HDAC9: variants seen among roughly 807,000 people sequenced by gnomAD.
HDAC9 encodes the protein histone deacetylase 9, also known as MEF-2 interacting transcription repressor (MITR) protein.
In HDAC9, 41 loss-of-function variants were observed where a neutral mutation model predicts 139.4. That is an observed-to-expected ratio of 0.29 (90% CI 0.23 to 0.38). The LOEUF is 0.38. HDAC9 is among the 10% of genes least tolerant of loss of function. The pLI is 1.00. For missense variants in HDAC9, 1,147 were observed against 1,297.0 expected (o/e 0.88, Z 1.78); for synonymous variants, 517 against 476.2 (o/e 1.09, Z -1.12).
At chr7:18,717,702 GC>G (rs1205537695) in intron 12 of HDAC9, among the ~76,000 whole-genome samples, 1 of 151,440 alleles carries the variant, frequency 6.6e-6, no homozygotes, top group Non-Finnish European at 1.5e-5. Context: ...AAGTGCTGGG[GC>G]AATTTCTTAA....
intron 22 of HDAC9, among the ~76,000 whole-genome samples, chr7:18,902,704 T>C (rs556151866): frequency 2.3e-4 from 35 of 152,336 alleles, no homozygotes; most frequent in Middle Eastern, 3.4e-3. Flanking sequence ...TTGGATTTCC[T>C]AAAATATAAT....
upstream of HDAC9, among the ~76,000 whole-genome samples, chr7:18,492,852 T>G (rs1465404792): frequency 6.6e-6 from 1 of 151,980 alleles, no homozygotes; most frequent in Non-Finnish European, 1.5e-5. Flanking sequence ...ATGGTTGTTT[T>G]GATGATACTT....
intron 1 of HDAC9, among the ~76,000 whole-genome samples, chr7:18,130,625 C>A (rs563115453): frequency 9.3e-4 from 141 of 152,244 alleles, no homozygotes; most frequent in African/African-American, 3.2e-3. Flanking sequence ...AGAACAACTT[C>A]ATCGCTATTC....
intron 1 of HDAC9, among the ~76,000 whole-genome samples, chr7:18,467,010 C>T (rs1794336168): frequency 6.6e-6 from 1 of 152,088 alleles, no homozygotes; most frequent in Non-Finnish European, 1.5e-5. Flanking sequence ...TTTCAAAGAG[C>T]TTCAATTACT....
intron 16 of HDAC9, among the ~76,000 whole-genome samples, chr7:18,772,782 A>G (rs988923042): frequency 9.2e-5 from 14 of 152,232 alleles, no homozygotes; most frequent in South Asian, 8.3e-4. Context: ...CTGATAAGCC[A>G]CCTTAATGAA....
chr7:18,208,534 C>T (rs546740850), intron 2 of HDAC9, among the ~76,000 whole-genome samples: 147 of 152,152 alleles, frequency 9.7e-4, no homozygotes, highest in African/African-American at 3.3e-3. Flanking sequence ...CACCACCACA[C>T]CTGACTAATT....
intron 2 of HDAC9, among the ~76,000 whole-genome samples, chr7:18,197,430 T>C (rs966376710): frequency 2.0e-5 from 3 of 152,208 alleles, no homozygotes; most frequent in Non-Finnish European, 4.4e-5. Context: ...TCTGAAGTGA[T>C]ATTGGAGATT....
At position 18,378,739 on chromosome 7, in the gene HDAC9, A is replaced by G. The variant is rs560381281; in HGVS notation, c.-42+88224A>G. On this transcript the variant is annotated intron_variant, in intron 1 of 3. Coordinates refer to the HDAC9 transcript ENST00000413509. ...GTTTTGGAGTAAACATACGCATTTTATAAATGCATAGCCCATACCAAAACA... is the reference window on the plus strand; with the variant it reads ...GTTTTGGAGTAAACATACGCATTTTGTAAATGCATAGCCCATACCAAAACA... Among the ~76,000 whole-genome samples the G allele has an allele frequency of 2.6e-5, 4 of 152,262 alleles. No individual in the cohort carries two copies. The South Asian group carries it at 6.2e-4, about 24-fold the overall frequency.
At chr7:18,788,122 C>A (rs993761120) in intron 16 of HDAC9, among the ~76,000 whole-genome samples, 2 of 152,054 alleles carry the variant, frequency 1.3e-5, no homozygotes, top group African/African-American at 2.4e-5. Flanking sequence ...AAGCTGAGGT[C>A]GGCAGCAGAT....
intron 2 of HDAC9, among the ~76,000 whole-genome samples, chr7:18,569,907 A>G (rs1026807325): frequency 6.6e-6 from 1 of 152,184 alleles, no homozygotes; most frequent in African/African-American, 2.4e-5. Context: ...ATCTTTTCAA[A>G]TCTTTTCTCA....
At chr7:18,810,894 G>GATTC (rs1171144373) in intron 17 of HDAC9, among the ~76,000 whole-genome samples, 1 of 151,690 alleles carries the variant, frequency 6.6e-6, no homozygotes, top group Non-Finnish European at 1.5e-5. Context: ...CTAATTTGTT[G>GATTC]ATTCATTCTA....
chr7:18,274,597 C>T (rs1434607292), intron 2 of HDAC9, among the ~76,000 whole-genome samples: 2 of 152,058 alleles, frequency 1.3e-5, no homozygotes, highest in African/African-American at 4.8e-5. Context: ...TGGGTGGGGA[C>T]AAACCACATC....
intron 1 of HDAC9, among the ~76,000 whole-genome samples, chr7:18,312,100 C>G (rs909282103): frequency 6.6e-6 from 1 of 152,176 alleles, no homozygotes; most frequent in Non-Finnish European, 1.5e-5. Flanking sequence ...CTAGGGCATA[C>G]AGTTAGAGGT....
At chr7:18,692,973 T>G (rs1342925674) in intron 12 of HDAC9, among the ~76,000 whole-genome samples, 1 of 152,084 alleles carries the variant, frequency 6.6e-6, no homozygotes, top group Non-Finnish European at 1.5e-5. Flanking sequence ...CTATACTGTT[T>G]TAAAGACTAA....
intron 2 of HDAC9, among the ~76,000 whole-genome samples, chr7:18,163,384 G>A (rs973133774): frequency 2.6e-5 from 4 of 152,204 alleles, no homozygotes; most frequent in Non-Finnish European, 5.9e-5. Flanking sequence ...ACTTATGCCT[G>A]TTAGCTCTGA....
intron 6 of HDAC9, among the ~76,000 whole-genome samples, chr7:18,614,295 CG>C (rs1348732619): frequency 6.6e-6 from 1 of 152,086 alleles, no homozygotes; most frequent in African/African-American, 2.4e-5. Flanking sequence ...CCCTCCAATC[CG>C]CCACACCGCA....
intron 1 of HDAC9, among the ~76,000 whole-genome samples, chr7:18,417,247 A>T (rs1016817660): frequency 6.7e-6 from 1 of 148,852 alleles, no homozygotes; most frequent in Non-Finnish European, 1.5e-5. Context: ...AATCTCATAT[A>T]TTGTAGTTTT....
At chr7:18,204,532 T>C (rs1283756120) in intron 2 of HDAC9, among the ~76,000 whole-genome samples, 36 of 152,120 alleles carry the variant, frequency 2.4e-4, no homozygotes, top group Admixed American at 2.4e-3. Flanking sequence ...AGTTTCACTT[T>C]TTGAGACCCT....
chr7:18,567,224 G>A (rs145678211), intron 2 of HDAC9, among the ~76,000 whole-genome samples: 24 of 152,222 alleles, frequency 1.6e-4, no homozygotes, highest in African/African-American at 5.3e-4. Context: ...TGATGTGGCG[G>A]GTTGAATTTC....
Sources: gnomAD v4.1 joint callset for allele counts (sites outside exome capture counted in the v4.1 genomes callset) on GRCh38, gnomAD v4.1.1 for gene constraint, MANE v1.5 for transcripts, NCBI Gene and HGNC (gene_info 2026-07-23, HGNC 2026-07-21) for gene names.